ARHGAP8: variants seen among roughly 807,000 people sequenced by gnomAD.
ARHGAP8 encodes Rho GTPase activating protein 8, also known as rho GTPase-activating protein 8.
ARHGAP8 carries 62 observed loss-of-function variants against 46.1 expected under a neutral mutation model. The ratio of observed to expected loss-of-function variants is 1.34; its 90% CI spans 1.10 to 1.66. The LOEUF (loss-of-function observed/expected upper bound fraction) is 1.66. Among genes scored for constraint, ARHGAP8 ranks in the 40% most tolerant of loss-of-function variants. The pLI is 0.00. For missense variants in ARHGAP8, 923 were observed against 568.4 expected (o/e 1.62, Z -6.34); for synonymous variants, 375 against 243.1 (o/e 1.54, Z -5.05).
chr22:44,851,844 C>T (rs1313085218), intron 10 of ARHGAP8, among the ~76,000 whole-genome samples: 1 of 151,458 alleles, frequency 6.6e-6, no homozygotes, highest in Non-Finnish European at 1.5e-5. Context: ...GTCCCCAAAA[C>T]AGAAGGAATG....
intron 1 of ARHGAP8, among the ~76,000 whole-genome samples, chr22:44,772,809 CTT>C (rs5845668): frequency 6.2e-5 from 7 of 112,992 alleles, no homozygotes; most frequent in African/African-American, 1.3e-4. Context: ...CTCTCTCCCA[CTT>C]TTTTTTTTTT....
chr22:44,802,388 G>A (rs1041852693), intron 3 of ARHGAP8, among the ~76,000 whole-genome samples: 3 of 152,188 alleles, frequency 2.0e-5, no homozygotes, highest in African/African-American at 7.2e-5. Flanking sequence ...TGGGAGCCAG[G>A]TTTTGTTTCC....
At chr22:44,815,027 C>T (rs1039460993) in intron 5 of ARHGAP8, among the ~76,000 whole-genome samples, 2 of 152,178 alleles carry the variant, frequency 1.3e-5, no homozygotes, top group African/African-American at 4.8e-5. Context: ...CACTGTGTGA[C>T]CACCCTCAGG....
At chr22:44,848,819 G>A in intron 9 of ARHGAP8, 113 bp from the exon 10 acceptor site, 1 of 1,545,660 alleles carries the variant, frequency 6.5e-7, no homozygotes, top group East Asian at 2.3e-5. Context: ...CATGGCTCCA[G>A]CATCAGGTGC....
intron 1 of ARHGAP8, among the ~76,000 whole-genome samples, chr22:44,769,663 T>G (rs941879398): frequency 2.0e-5 from 3 of 152,234 alleles, no homozygotes; most frequent in Admixed American, 6.5e-5. Context: ...TGTGTAAAGG[T>G]TAGGCACTTC....
At chr22:44,861,017 AT>A (rs1270199209) in intron 11 of ARHGAP8, among the ~76,000 whole-genome samples, 3 of 152,120 alleles carry the variant, frequency 2.0e-5, no homozygotes, top group Middle Eastern at 6.8e-3. Context: ...TCTCAAAAAA[AT>A]TTTTTGAGAC....
intron 6 of ARHGAP8, among the ~76,000 whole-genome samples, chr22:44,823,626 C>CA (rs900498040): frequency 6.6e-6 from 1 of 152,156 alleles, no homozygotes; most frequent in Non-Finnish European, 1.5e-5. Context: ...ACCCCACTCC[C>CA]AGACCTCACT....
chr22:44,857,236 A>C (rs1372216520), intron 10 of ARHGAP8, among the ~76,000 whole-genome samples: 1 of 151,986 alleles, frequency 6.6e-6, no homozygotes, highest in Non-Finnish European at 1.5e-5. Flanking sequence ...CACCACGACC[A>C]GTCTTGAGTA....
In ARHGAP8 at chr22:44,785,864, C is replaced by T. The variant is rs954314309; in HGVS notation, c.-71-593C>T. On this transcript the variant is annotated intron_variant, in intron 1 of 11. Transcript: ENST00000356099. ...CAACCCCAGCCCACCTTGGTGCTTT[C>T]GGCAGCACTGGCTTCCTGCTGGCTG... Among the ~76,000 whole-genome samples, 11 of 152,238 alleles carry T rather than the reference C, an allele frequency of 7.2e-5. No individual in the cohort carries two copies. In the East Asian group the frequency reaches 1.5e-3, roughly 21 times the overall value.
intron 4 of ARHGAP8, among the ~76,000 whole-genome samples, chr22:44,811,995 T>TC (rs1301020912): frequency 1.0e-5 from 1 of 99,522 alleles, no homozygotes; most frequent in Non-Finnish European, 1.9e-5. Context: ...AAACTCTGTT[T>TC]CAAAAAAAAA....
chr22:44,766,220 CG>C (rs532083630), intron 1 of ARHGAP8: 176 of 152,976 alleles, frequency 1.2e-3, no homozygotes, highest in Non-Finnish European at 2.1e-3. Context: ...GACCAAAGCC[CG>C]GGGAGGCTGT....
intron 7 of ARHGAP8, among the ~76,000 whole-genome samples, chr22:44,826,281 GAC>G (rs1294144194): frequency 1.3e-5 from 2 of 152,154 alleles, no homozygotes; most frequent in Non-Finnish European, 2.9e-5. Flanking sequence ...GCATAGAGAA[GAC>G]AGGCTTGTGC....
intron 2 of ARHGAP8, 105 bp downstream of exon 2, chr22:44,786,711 G>A: frequency 6.9e-7 from 1 of 1,457,664 alleles, no homozygotes; most frequent in Non-Finnish European, 9.2e-7. Context: ...ACTGCAGCTG[G>A]GCAAGATTGA....
rs796787704 is a variant in ARHGAP8, at chr22:44,760,173, C to T, written c.-72+7546C>T. Among the ~76,000 whole-genome samples, 17 of 152,282 alleles carry T rather than the reference C, an allele frequency of 1.1e-4. No homozygotes were observed. The East Asian group carries it at 1.5e-3, about 14-fold the overall frequency. ...CCTGGACAAATGGCCTTGCGCATGC[C>T]GTCTTGCCAGCGTTGGGGACCCAGT... On this transcript the variant is annotated intron_variant, in intron 1 of 11. Coordinates refer to ENST00000356099, the MANE Select transcript of ARHGAP8 (RefSeq NM_181335.3).
At chr22:44,855,912 G>A (rs2147183620) in intron 10 of ARHGAP8, among the ~76,000 whole-genome samples, 1 of 152,342 alleles carries the variant, frequency 6.6e-6, no homozygotes, top group East Asian at 1.9e-4. Flanking sequence ...GAAGCACGGT[G>A]TTGGCATCTG....
At chr22:44,855,567 A>G (rs1014586303) in intron 10 of ARHGAP8, among the ~76,000 whole-genome samples, 1 of 152,034 alleles carries the variant, frequency 6.6e-6, no homozygotes, top group African/African-American at 2.4e-5. Context: ...GGCCCTAAAG[A>G]TTTTTTTCTT....
chr22:44,767,629 TG>T (rs1925675520), intron 1 of ARHGAP8, among the ~76,000 whole-genome samples: 1 of 151,908 alleles, frequency 6.6e-6, no homozygotes, highest in Non-Finnish European at 1.5e-5. Context: ...TTCTTTCCTT[TG>T]GAAAACAACC....
intron 7 of ARHGAP8, among the ~76,000 whole-genome samples, chr22:44,827,368 A>T (rs1930612960): frequency 2.3e-5 from 1 of 43,272 alleles, no homozygotes; most frequent in Non-Finnish European, 4.0e-5. Context: ...TTTTTGAGAC[A>T]GTCTCGCTCT....
At chr22:44,753,225 C>CTT (rs529491341) in intron 1 of ARHGAP8, among the ~76,000 whole-genome samples, 4,156 of 140,696 alleles carry the variant, frequency 0.03, 195 homozygotes, top group African/African-American at 0.094. Context: ...AAAGCAGAAA[C>CTT]TTTTTTTTTT....
Sources: allele counts gnomAD v4.1 joint callset (sites outside exome capture counted in the v4.1 genomes callset), GRCh38; gene constraint gnomAD v4.1.1; transcripts MANE v1.5; gene names NCBI Gene and HGNC (gene_info 2026-07-23, HGNC 2026-07-21).